The following TLL1 variants were observed in gnomAD, a reference collection of about 807,000 sequenced individuals.
The protein encoded by TLL1 is tolloid-like protein 1.
TLL1 carries 49 observed loss-of-function variants against 128.2 expected under a neutral mutation model. That is an observed-to-expected ratio of 0.38 (90% CI 0.30 to 0.48). The LOEUF (loss-of-function observed/expected upper bound fraction) is 0.48. Among genes scored for constraint, TLL1 ranks in the 20% least tolerant of loss-of-function variants. TLL1 has a pLI of 0.96. For missense variants in TLL1, 1,123 were observed against 1,242.0 expected (o/e 0.90, Z 1.44); for synonymous variants, 454 against 418.8 (o/e 1.08, Z -1.03).
At chr4:166,024,946 A>G (rs1738425165) in intron 8 of TLL1, among the ~76,000 whole-genome samples, 1 of 152,154 alleles carries the variant, frequency 6.6e-6, no homozygotes, top group Admixed American at 6.5e-5. Flanking sequence ...ATATTAGTGA[A>G]ATGTTTCACG....
intron 6 of TLL1, among the ~76,000 whole-genome samples, chr4:166,006,051 A>C (rs1367678491): frequency 6.6e-6 from 1 of 151,782 alleles, no homozygotes; most frequent in Non-Finnish European, 1.5e-5. Context: ...ATTAATCTTC[A>C]AAAAATTTAT....
chr4:166,008,655 C>A (rs1737546056), intron 7 of TLL1, among the ~76,000 whole-genome samples: 1 of 151,470 alleles, frequency 6.6e-6, no homozygotes, highest in African/African-American at 2.4e-5. Context: ...TTAAAGAATG[C>A]AATAAATTTG....
chr4:165,902,300 AAC>A (rs1561016968), intron 1 of TLL1, among the ~76,000 whole-genome samples: 11 of 149,084 alleles, frequency 7.4e-5, no homozygotes, highest in African/African-American at 2.8e-4. Flanking sequence ...ATGAAAAAAA[AAC>A]AAAAAAACAA....
chr4:165,908,951 C>G (rs893180946), intron 1 of TLL1, among the ~76,000 whole-genome samples: 3 of 152,162 alleles, frequency 2.0e-5, no homozygotes, highest in Non-Finnish European at 4.4e-5. Context: ...AATCCCAGCA[C>G]TTTAGGAGGC....
intron 1 of TLL1, among the ~76,000 whole-genome samples, chr4:165,968,383 T>A (rs987920765): frequency 6.6e-6 from 1 of 152,194 alleles, no homozygotes. Flanking sequence ...CAGAATACAC[T>A]TTTTCTATTC....
chr4:166,048,247 A>G (rs1335688762), intron 12 of TLL1, among the ~76,000 whole-genome samples: 2 of 151,718 alleles, frequency 1.3e-5, no homozygotes, highest in East Asian at 3.9e-4. Flanking sequence ...GGAAAAAAAA[A>G]AAAAAAAAAA....
intron 1 of TLL1, among the ~76,000 whole-genome samples, chr4:165,896,957 A>C (rs1731710109): frequency 6.6e-6 from 1 of 152,158 alleles, no homozygotes; most frequent in Non-Finnish European, 1.5e-5. Flanking sequence ...TTGATGTGAG[A>C]TGGTATCTCA....
chr4:165,889,960 A>C lies in TLL1; in HGVS notation c.169+15887A>C, dbSNP rs1035532985. On this transcript the variant is annotated intron_variant, in intron 1 of 20. Coordinates refer to ENST00000061240, the MANE Select transcript of TLL1 (RefSeq NM_012464.5). The stretch of plus-strand genomic sequence containing the variant: ...CCTACCCGAGACTGAATAACTTATA[A>C]AGGAAAGAGGTTTAATTGACTCACA... 2.0e-5 allele frequency among the ~76,000 whole-genome samples: 3 copies of C among 152,150 alleles called. No individual in the cohort carries two copies. In the East Asian group the frequency reaches 5.8e-4, roughly 29 times the overall value.
intron 1 of TLL1, among the ~76,000 whole-genome samples, chr4:165,878,584 T>C (rs905365035): frequency 2.6e-5 from 4 of 152,166 alleles, no homozygotes; most frequent in South Asian, 2.1e-4. Flanking sequence ...ATTTTTTTTT[T>C]CCTAAATATA....
At chr4:166,061,302 G>A (rs1167309544) in intron 15 of TLL1, among the ~76,000 whole-genome samples, 1 of 149,676 alleles carries the variant, frequency 6.7e-6, no homozygotes, top group Non-Finnish European at 1.5e-5. Flanking sequence ...CTGGAGTGCA[G>A]TGGTGCTATC....
intron 9 of TLL1, chr4:166,030,896 T>C (rs1738736882): frequency 1.0e-6 from 1 of 984,878 alleles, no homozygotes; most frequent in Non-Finnish European, 1.2e-6. Flanking sequence ...TATAAAACTA[T>C]AGTTTCACTG....
Position 166,003,494 on chromosome 4 carries a change from A to T in TLL1, c.736A>T (p.Ile246Leu). 6.2e-7 allele frequency: 1 copy of T among 1,614,046 alleles called. No individual in the cohort carries two copies. The highest frequency in any genetic ancestry group is 8.5e-7 in the Non-Finnish European group (1 of 1,179,962). The change falls in exon 6 of 21, where the codon ATA (isoleucine) becomes TTA (leucine). Residue 246 changes from isoleucine to leucine, a missense_variant. By Grantham distance (5) the Ile-to-Leu change is conservative. Around this residue, in one of 3 missense-constraint regions of TLL1, gnomAD observed 480 missense variants for 542.4 expected, o/e 0.89. Coordinates refer to ENST00000061240, the MANE Select transcript of TLL1 (RefSeq NM_012464.5). The part of the protein sequence containing the change: ...GIVVHELGHV[I>L]GFWHEHTRPD... The stretch of plus-strand genomic sequence containing the variant: ...TGTTGTTCATGAATTGGGTCATGTG[A>T]TAGGCTTTTGGCATGAACACACAAG...
chr4:165,934,442 A>G (rs1306131512), intron 1 of TLL1, among the ~76,000 whole-genome samples: 1 of 152,174 alleles, frequency 6.6e-6, no homozygotes, highest in Non-Finnish European at 1.5e-5. Flanking sequence ...AACTGACTAC[A>G]TTTATCCTGA....
rs1469288100 is a variant in TLL1, at chr4:166,100,818, G to A, written c.2984G>A (p.Gly995Glu). ...ACTGATGACACAATCAACAAGAAGG[G>A]ATTTCATATAAGATACAAAAGCATA... Reference protein sequence around the residue: ...FHTDDTINKKGFHIRYKSIRY... With the variant: ...FHTDDTINKKEFHIRYKSIRY... Residue 995 changes from glycine (G) to glutamate (E), a missense_variant, in exon 21 of 21, where the codon GGA (glycine) becomes GAA (glutamate). Coordinates refer to ENST00000061240, the MANE Select transcript of TLL1 (RefSeq NM_012464.5). The A allele has an allele frequency of 6.2e-7, 1 of 1,612,942 alleles. No homozygotes were observed. Among genetic ancestry groups the A allele is most frequent in the Admixed American group, 1.7e-5 (1 of 59,902 alleles).
At chr4:165,881,738 T>C (rs1730976812) in intron 1 of TLL1, among the ~76,000 whole-genome samples, 1 of 152,148 alleles carries the variant, frequency 6.6e-6, no homozygotes, top group Non-Finnish European at 1.5e-5. Flanking sequence ...ATTAGAGACA[T>C]GTTTGAGGGT....
chr4:165,941,301 A>G (rs1045059749), intron 1 of TLL1, among the ~76,000 whole-genome samples: 6 of 152,044 alleles, frequency 3.9e-5, no homozygotes, highest in African/African-American at 7.2e-5. Context: ...AGAAGGGGTA[A>G]TTTTTCTGAT....
chr4:165,909,458 T>TA (rs772057066), intron 1 of TLL1, among the ~76,000 whole-genome samples: 1 of 152,146 alleles, frequency 6.6e-6, no homozygotes, highest in Non-Finnish European at 1.5e-5. Context: ...GTGGCATCAC[T>TA]AGGGGAATGA....
At chr4:166,064,193 AT>A in intron 15 of TLL1, among the ~76,000 whole-genome samples, 1 of 152,066 alleles carries the variant, frequency 6.6e-6, no homozygotes, top group East Asian at 1.9e-4. Flanking sequence ...TTTTTATACT[AT>A]TTTTAGAGAG....
intron 1 of TLL1, among the ~76,000 whole-genome samples, chr4:165,963,883 A>G (rs1735242246): frequency 6.6e-6 from 1 of 152,162 alleles, no homozygotes; most frequent in South Asian, 2.1e-4. Context: ...ACATGGAGAT[A>G]TCAGTTCAGC....
Sources: gnomAD v4.1 joint callset for allele counts (sites outside exome capture counted in the v4.1 genomes callset) on GRCh38, gnomAD v4.1.1 for gene constraint, gnomAD v4.1.1 regional missense constraint, MANE v1.5 for transcripts, NCBI Gene and HGNC (gene_info 2026-07-23, HGNC 2026-07-21) for gene names.